DLGAP1: variants seen among roughly 807,000 people sequenced by gnomAD.
The protein encoded by DLGAP1 is disks large-associated protein 1.
DLGAP1 carries 11 observed loss-of-function variants against 90.8 expected under a neutral mutation model. The observed-to-expected ratio is 0.12, with a 90% confidence interval of 0.08 to 0.20. The LOEUF (loss-of-function observed/expected upper bound fraction) is 0.20. Among genes scored for constraint, DLGAP1 ranks in the 10% least tolerant of loss-of-function variants. The pLI is 1.00. For synonymous variants in DLGAP1, 558 were observed against 540.7 expected, an observed-to-expected ratio of 1.03 and a Z score of -0.44; for missense variants, 1,050 against 1,333.8, an observed-to-expected ratio of 0.79 and a Z score of 3.31.
intron 1 of DLGAP1, among the ~76,000 whole-genome samples, chr18:4,234,522 A>G (rs1176050631): frequency 6.6e-6 from 1 of 152,192 alleles, no homozygotes. Context: ...CCTTCTGAGA[A>G]CAATAATTTA....
intron 8 of DLGAP1, among the ~76,000 whole-genome samples, chr18:3,572,310 C>T (rs2054854776): frequency 2.0e-5 from 3 of 151,708 alleles, no homozygotes; most frequent in African/African-American, 7.3e-5. Flanking sequence ...TGTGTCTTGG[C>T]CAGTAAAGGC....
chr18:4,057,530 C>G (rs2075239579), intron 2 of DLGAP1, among the ~76,000 whole-genome samples: 1 of 152,208 alleles, frequency 6.6e-6, no homozygotes, highest in South Asian at 2.1e-4. Context: ...ATGTATAAGA[C>G]TCCAAGTCAA....
intron 5 of DLGAP1, among the ~76,000 whole-genome samples, chr18:3,792,409 G>A (rs2065779613): frequency 6.6e-6 from 1 of 151,950 alleles, no homozygotes; most frequent in African/African-American, 2.4e-5. Flanking sequence ...TTGAACCCAG[G>A]AGGTAGAGAT....
intron 1 of DLGAP1, among the ~76,000 whole-genome samples, chr18:4,168,098 T>A (rs1214042563): frequency 6.6e-6 from 1 of 152,156 alleles, no homozygotes; most frequent in African/African-American, 2.4e-5. Flanking sequence ...TAAAAAAATG[T>A]ATATGGAAAT....
Position 3,976,051 on chromosome 18 carries a change from T to G in DLGAP1, c.-73+29065A>C, listed in dbSNP as rs535950338. On this transcript the variant is annotated intron_variant, in intron 3 of 12. Coordinates refer to ENST00000315677, the MANE Select transcript of DLGAP1 (RefSeq NM_004746.4). ...ACTTAATGCCACTAAACTGTACACT[T>G]AAAAAGTGGTTAAGGCCGAGGGCAG... is the stretch of plus-strand genomic sequence containing the variant. 1.3e-3 allele frequency among the ~76,000 whole-genome samples: 200 copies of G among 152,114 alleles called. 1 individual carries two copies. Among genetic ancestry groups the G allele is most frequent in the Non-Finnish European group, 2.4e-3 (163 of 67,994 alleles).
chr18:3,850,215 C>A (rs956940399), intron 4 of DLGAP1, among the ~76,000 whole-genome samples: 4 of 151,926 alleles, frequency 2.6e-5, no homozygotes, highest in Admixed American at 2.6e-4. Flanking sequence ...AATTAAAATA[C>A]AAAAATCTCT....
At chr18:4,441,799 T>C (rs914983242) in intron 1 of DLGAP1, among the ~76,000 whole-genome samples, 4 of 152,206 alleles carry the variant, frequency 2.6e-5, no homozygotes, top group Non-Finnish European at 2.9e-5. Flanking sequence ...CAGTTATCAA[T>C]TCGGCAATAC....
chr18:3,635,420 T>A (rs984420973), intron 7 of DLGAP1, among the ~76,000 whole-genome samples: 19 of 151,544 alleles, frequency 1.3e-4, no homozygotes, highest in Admixed American at 9.2e-4. Flanking sequence ...ATTACAGGCG[T>A]GAGCCACCGC....
chr18:3,549,115 T>A (rs1278489397), intron 9 of DLGAP1, among the ~76,000 whole-genome samples: 1 of 152,188 alleles, frequency 6.6e-6, no homozygotes, highest in Non-Finnish European at 1.5e-5. Flanking sequence ...TATGCACAGT[T>A]TTAAAATATC....
intron 1 of DLGAP1, among the ~76,000 whole-genome samples, chr18:4,288,845 A>G (rs2079773237): frequency 6.6e-6 from 1 of 151,940 alleles, no homozygotes; most frequent in African/African-American, 2.4e-5. Flanking sequence ...TGATTCGCAT[A>G]ACAGGTTTTC....
chr18:3,889,124 T>C (rs1042764088), intron 3 of DLGAP1, among the ~76,000 whole-genome samples: 14 of 151,976 alleles, frequency 9.2e-5, no homozygotes, highest in Non-Finnish European at 1.9e-4. Context: ...CCAAAAAAAG[T>C]TGGGAAAAAC....
At chr18:3,507,366 A>AAAACAAAACAAAACAAAACAAAACAAAAC (rs1225574980) in intron 11 of DLGAP1, among the ~76,000 whole-genome samples, 1 of 104,494 alleles carries the variant, frequency 9.6e-6, no homozygotes, top group South Asian at 3.8e-4. Context: ...CAAAACAAAA[A>AAAACAAAACAAAACAAAACAAAACAAAAC]ATTAGCTGGG....
intron 1 of DLGAP1, among the ~76,000 whole-genome samples, chr18:4,303,506 A>G (rs2080176447): frequency 6.6e-6 from 1 of 152,326 alleles, no homozygotes; most frequent in East Asian, 1.9e-4. Context: ...CTAGGATGCT[A>G]GTCCCCAAGA....
In DLGAP1 at chr18:3,737,447, T is replaced by C. The variant is rs1476904168; in HGVS notation, c.1350+4888A>G. ...ACCATGATCAAGTGGGCTTCATCCC[T>C]GGGATGCAAGGCTGGTTCAATATAC... On this transcript the variant is annotated intron_variant, in intron 6 of 12. Coordinates refer to ENST00000315677, the MANE Select transcript of DLGAP1 (RefSeq NM_004746.4). 4.4e-5 allele frequency among the ~76,000 whole-genome samples: 6 copies of C among 136,658 alleles called. No homozygotes were observed. In the East Asian group the frequency reaches 1.4e-3, roughly 32 times the overall value. The allele number at this position is 136,658 out of a possible 152,430, so 89.7% of individuals were successfully genotyped here. A position where few individuals can be genotyped will look rare whatever the true frequency, so the allele number is the denominator to read the frequency against.
chr18:4,182,632 T>C (rs2077228255), intron 1 of DLGAP1, among the ~76,000 whole-genome samples: 1 of 152,186 alleles, frequency 6.6e-6, no homozygotes, highest in Non-Finnish European at 1.5e-5. Context: ...AATAAACATA[T>C]TAATAAACTT....
chr18:3,556,671 T>G (rs1463761294), intron 9 of DLGAP1, among the ~76,000 whole-genome samples: 2 of 152,206 alleles, frequency 1.3e-5, no homozygotes, highest in Non-Finnish European at 2.9e-5. Context: ...AAAGGACAAC[T>G]TGGTTGGTTC....
At chr18:4,177,698 A>C (rs1310755018) in intron 1 of DLGAP1, among the ~76,000 whole-genome samples, 1 of 152,124 alleles carries the variant, frequency 6.6e-6, no homozygotes, top group East Asian at 1.9e-4. Flanking sequence ...GCTCCCACTT[A>C]TAAGTGAGAA....
At chr18:3,611,435 C>T (rs1224161369) in intron 7 of DLGAP1, among the ~76,000 whole-genome samples, 3 of 152,166 alleles carry the variant, frequency 2.0e-5, no homozygotes, top group Non-Finnish European at 4.4e-5. Flanking sequence ...ACTGCACTCG[C>T]CCCAGCCCTC....
chr18:3,936,875 G>A (rs1420725400), intron 3 of DLGAP1, among the ~76,000 whole-genome samples: 2 of 152,178 alleles, frequency 1.3e-5, no homozygotes, highest in Admixed American at 6.5e-5. Flanking sequence ...TCAGGAGGTT[G>A]AAATCCAAGG....
Sources: allele counts gnomAD v4.1 joint callset (sites outside exome capture counted in the v4.1 genomes callset), GRCh38; gene constraint gnomAD v4.1.1; transcripts MANE v1.5; gene names NCBI Gene and HGNC (gene_info 2026-07-23, HGNC 2026-07-21).